CAMK2B: variants seen among roughly 807,000 people sequenced by gnomAD.
CAMK2B encodes the protein calcium/calmodulin dependent protein kinase II beta.
Under a neutral mutation model 93.7 loss-of-function variants are expected in CAMK2B, and 27 were observed. The observed-to-expected ratio is 0.29, with a 90% CI of 0.21 to 0.40. The LOEUF (loss-of-function observed/expected upper bound fraction) is 0.40, where lower values mean the gene tolerates loss of function less well. Ranked by LOEUF, CAMK2B falls within the 10% of genes least tolerant of loss-of-function variation. The pLI, the probability that CAMK2B is intolerant of heterozygous loss-of-function variation, is 1.00. For missense variants in CAMK2B, 568 were observed against 895.8 expected (o/e 0.63, Z 4.67); for synonymous variants, 374 against 358.8 (o/e 1.04, Z -0.48).
chr7:44,291,634 A>G (rs1786861249), intron 1 of CAMK2B, among the ~76,000 whole-genome samples: 1 of 152,228 alleles, frequency 6.6e-6, no homozygotes, highest in Admixed American at 6.5e-5. Flanking sequence ...CACGAACCCC[A>G]CATTTTGACT....
intron 1 of CAMK2B, 91 bp downstream of exon 1, chr7:44,325,266 G>T: frequency 1.5e-6 from 1 of 684,730 alleles, no homozygotes; most frequent in Non-Finnish European, 1.8e-6. Flanking sequence ...GCGCGGGCCC[G>T]CAGTGCGCCT....
chr7:44,288,361 C>T (rs1316629636), intron 1 of CAMK2B, among the ~76,000 whole-genome samples: 6 of 152,248 alleles, frequency 3.9e-5, no homozygotes, highest in Admixed American at 3.9e-4. Flanking sequence ...GATCACACGC[C>T]TGCCTCTAGG....
At chr7:44,288,130 A>G (rs1384387567) in intron 1 of CAMK2B, among the ~76,000 whole-genome samples, 2 of 152,202 alleles carry the variant, frequency 1.3e-5, no homozygotes, top group East Asian at 3.8e-4. Flanking sequence ...GCCTGTGGGT[A>G]GATGGGTCTG....
intron 2 of CAMK2B, among the ~76,000 whole-genome samples, chr7:44,281,933 A>G (rs1363034850): frequency 1.3e-5 from 2 of 152,308 alleles, no homozygotes; most frequent in East Asian, 3.9e-4. Context: ...CTTCCCAAGC[A>G]GGAACCAGAA....
chr7:44,323,515 G>A (rs181065430), intron 1 of CAMK2B, among the ~76,000 whole-genome samples: 46 of 152,348 alleles, frequency 3.0e-4, no homozygotes, highest in African/African-American at 1.0e-3. Flanking sequence ...ATCCAGCTGC[G>A]CTGGAATCGG....
intron 19 of CAMK2B, among the ~76,000 whole-genome samples, chr7:44,228,208 G>A (rs2096538754): frequency 6.6e-6 from 1 of 152,016 alleles, no homozygotes; most frequent in Non-Finnish European, 1.5e-5. Context: ...GCCTGGCCTG[G>A]CCCCATGAGG....
intron 15 of CAMK2B, 90 bp downstream of exon 15, chr7:44,234,300 C>G: frequency 2.5e-6 from 3 of 1,221,992 alleles, no homozygotes; most frequent in Non-Finnish European, 3.4e-6. Flanking sequence ...GGGCCAGACC[C>G]CACCTTCACC....
At chr7:44,323,323 C>T (rs1796627639) in intron 1 of CAMK2B, among the ~76,000 whole-genome samples, 1 of 152,206 alleles carries the variant, frequency 6.6e-6, no homozygotes, top group Non-Finnish European at 1.5e-5. Context: ...GCATGGCTCC[C>T]AGTGCTTTCG....
At chr7:44,251,391 C>T (rs879811740) in intron 5 of CAMK2B, among the ~76,000 whole-genome samples, 2 of 152,204 alleles carry the variant, frequency 1.3e-5, no homozygotes, top group East Asian at 3.9e-4. Context: ...CTGAAGCTCA[C>T]GCACAGAGAG....
rs1345202676 is a variant in CAMK2B at position 44,258,735 on chromosome 7, C to G, written c.275+137G>C. 1.3e-5 allele frequency: 10 copies of G among 743,566 alleles called. No homozygotes were observed. The Admixed American group carries it at 1.9e-4, about 14-fold the overall frequency. The allele number at this position is 743,566 out of a possible 1,614,324, so 46.1% of individuals were successfully genotyped here. A position where few individuals can be genotyped will look rare whatever the true frequency, so the allele number is the denominator to read the frequency against. ...CTGGGCACAGCTTGGAGCAAGGGGA[C>G]CAGCAGCAGAAGCACACTCAAGGGA... is the stretch of plus-strand genomic sequence containing the variant. On this transcript the variant is annotated intron_variant, in intron 4 of 23. Transcript: ENST00000395749.
chr7:44,292,505 T>C (rs970314566), intron 1 of CAMK2B, among the ~76,000 whole-genome samples: 3 of 152,188 alleles, frequency 2.0e-5, no homozygotes, highest in African/African-American at 4.8e-5. Flanking sequence ...ATAAGCTTCA[T>C]AGGACGTTAA....
rs2096364003 is a variant in CAMK2B at position 44,218,883 on chromosome 7, G to GGGCAC, written c.*637_*641dup. The GGGCAC allele has an allele frequency of 6.6e-6, 1 of 152,186 alleles. No individual in the cohort carries two copies. Among genetic ancestry groups the GGGCAC allele is most frequent in the Admixed American group, 6.5e-5 (1 of 15,276 alleles). 9.4% of individuals were successfully genotyped at this position (152,186 alleles called of 1,614,324 possible). Reference sequence around the variant, plus strand: ...TCCGTGCTGGGTGTGTGGGGATACCGGGCACGGAAAACCCACACCTAGCCC... The same window carrying GGGCAC: ...TCCGTGCTGGGTGTGTGGGGATACCGGGCACGGCACGGAAAACCCACACCTAGCCC... On this transcript the variant is annotated 3_prime_UTR_variant, in exon 24 of 24. Coordinates refer to ENST00000395749, the MANE Select transcript of CAMK2B (RefSeq NM_001220.5).
intron 2 of CAMK2B, among the ~76,000 whole-genome samples, chr7:44,274,364 C>T (rs566270764): frequency 1.3e-5 from 2 of 152,346 alleles, no homozygotes; most frequent in Non-Finnish European, 2.9e-5. Flanking sequence ...GGGCTCCCTG[C>T]AGCTGTTCCC....
chr7:44,229,453 G>A lies in CAMK2B; in HGVS notation c.1274C>T (p.Ala425Val). ...ILSSVRRGSG[A>V]PEAEGPLPCP... ...GGGCAGGGGCCCCTCGGCTTCTGGG[G>A]CTCCCGAGCCCCTCCTCACTGAGCT... Residue 425 changes from alanine (A) to valine (V), a missense_variant, in exon 18 of 24, where the codon GCC (alanine) becomes GTC (valine). Coordinates refer to ENST00000395749, the MANE Select transcript of CAMK2B (RefSeq NM_001220.5). The A allele has an allele frequency of 1.3e-6, 2 of 1,486,602 alleles. No individual in the cohort carries two copies. The highest frequency in any genetic ancestry group is 1.8e-6 in the Non-Finnish European group (2 of 1,119,610). 92.1% of individuals were successfully genotyped at this position (1,486,602 alleles called of 1,614,324 possible).
intron 19 of CAMK2B, among the ~76,000 whole-genome samples, chr7:44,227,622 TGGGGG>T: frequency 2.8e-4 from 1 of 3,634 alleles, no homozygotes; most frequent in East Asian, 6.7e-3. Flanking sequence ...AGAGGGAGTG[TGGGGG>T]ACAGAGGAGG....
intron 13 of CAMK2B, among the ~76,000 whole-genome samples, chr7:44,235,282 G>A (rs1307942491): frequency 6.6e-6 from 1 of 152,242 alleles, no homozygotes; most frequent in African/African-American, 2.4e-5. Context: ...CCCTCATTCC[G>A]AGCTGCCCAG....
intron 20 of CAMK2B, among the ~76,000 whole-genome samples, chr7:44,223,089 G>A (rs1253399189): frequency 6.6e-6 from 1 of 152,220 alleles, no homozygotes; most frequent in Non-Finnish European, 1.5e-5. Flanking sequence ...ATGCACATAA[G>A]CAGGACGGCA....
intron 1 of CAMK2B, among the ~76,000 whole-genome samples, chr7:44,307,544 A>T (rs1436650998): frequency 1.3e-5 from 2 of 151,998 alleles, no homozygotes; most frequent in African/African-American, 4.8e-5. Flanking sequence ...ATGGTCTGCC[A>T]GGGCTCACTG....
chr7:44,263,251 C>A lies in CAMK2B; in HGVS notation c.161-187G>T, dbSNP rs536229319. On this transcript the variant is annotated intron_variant, in intron 2 of 23. Coordinates refer to ENST00000395749, the MANE Select transcript of CAMK2B (RefSeq NM_001220.5). ...ACTGGTGGCAAGGCTGGGGCAGGGA[C>A]CAGCCGGCTTGTGTTTGGGATGGGT... 1.1e-4 allele frequency among the ~76,000 whole-genome samples: 17 copies of A among 152,324 alleles called. No individual in the cohort carries two copies. In the South Asian group the frequency reaches 3.1e-3, roughly 28 times the overall value.
Sources: allele counts gnomAD v4.1 joint callset (sites outside exome capture counted in the v4.1 genomes callset), GRCh38; gene constraint gnomAD v4.1.1; transcripts MANE v1.5; gene names NCBI Gene and HGNC (gene_info 2026-07-23, HGNC 2026-07-21).